The following RFC3 variants were observed in gnomAD, a reference collection of about 807,000 sequenced individuals.
RFC3 encodes replication factor C subunit 3.
In RFC3, 41 loss-of-function variants were observed where a neutral mutation model predicts 45.1. The observed-to-expected ratio is 0.91, with a 90% confidence interval of 0.71 to 1.18. The LOEUF is 1.18. RFC3 is among the 50% of genes most tolerant of loss of function. The pLI, the probability that RFC3 is intolerant of heterozygous loss-of-function variation, is 0.00. For synonymous variants in RFC3, 149 were observed against 144.0 expected (o/e 1.03, Z -0.25); for missense variants, 423 against 428.1 (o/e 0.99, Z 0.10).
At chr13:33,868,896 T>C (rs1336082180) in intron 8 of RFC3, among the ~76,000 whole-genome samples, 1 of 152,264 alleles carries the variant, frequency 6.6e-6, no homozygotes, top group Admixed American at 6.5e-5. Flanking sequence ...TCCCGTGGCC[T>C]CTGCTCCTGG....
chr13:33,960,557 C>T (rs988911574), intron 8 of RFC3, among the ~76,000 whole-genome samples: 1 of 152,362 alleles, frequency 6.6e-6, no homozygotes, highest in Non-Finnish European at 1.5e-5. Context: ...AAGGACTGGG[C>T]ATCCTTCATC....
chr13:33,919,797 T>C (rs1432891705), intron 8 of RFC3, among the ~76,000 whole-genome samples: 1 of 152,138 alleles, frequency 6.6e-6, no homozygotes, highest in Admixed American at 6.6e-5. Context: ...AAAAGAGATA[T>C]ACATGGAGGA....
downstream of RFC3, among the ~76,000 whole-genome samples, chr13:33,841,288 G>A (rs775658715): frequency 6.2e-4 from 95 of 152,188 alleles, 1 homozygote; most frequent in Admixed American, 3.3e-4. Context: ...GTTGGGGAGT[G>A]CAGTATTAAA....
chr13:33,888,157 T>A (rs565790394), intron 8 of RFC3, among the ~76,000 whole-genome samples: 8 of 152,220 alleles, frequency 5.3e-5, no homozygotes, highest in Non-Finnish European at 1.2e-4. Flanking sequence ...TTTTTCCAAT[T>A]CTGTGAAGAA....
chr13:33,926,221 G>T (rs1271052887), intron 8 of RFC3, among the ~76,000 whole-genome samples: 31 of 121,696 alleles, frequency 2.5e-4, no homozygotes, highest in African/African-American at 7.8e-4. Context: ...GGTGGGGGGA[G>T]GGGGGAGGGA....
At chr13:33,872,110 G>T (rs114139406) in intron 8 of RFC3, among the ~76,000 whole-genome samples, 2,865 of 152,082 alleles carry the variant, frequency 0.019, 93 homozygotes, top group African/African-American at 0.065. Context: ...ATATCTACTT[G>T]TTTGTTCGAC....
intron 4 of RFC3, among the ~76,000 whole-genome samples, chr13:33,826,848 C>G (rs1181579595): frequency 2.0e-5 from 3 of 151,940 alleles, no homozygotes; most frequent in African/African-American, 7.3e-5. Context: ...GTTGGCCAAC[C>G]CTCCAATAGT....
intron 8 of RFC3, among the ~76,000 whole-genome samples, chr13:33,919,296 T>A (rs1325459247): frequency 7.1e-6 from 1 of 140,244 alleles, no homozygotes; most frequent in Non-Finnish European, 1.5e-5. Flanking sequence ...AGCAAATCCA[T>A]TTTTTTTTTA....
intron 8 of RFC3, among the ~76,000 whole-genome samples, chr13:33,932,747 A>G (rs890021268): frequency 1.3e-5 from 2 of 152,178 alleles, no homozygotes; most frequent in Non-Finnish European, 2.9e-5. Flanking sequence ...ATCCAATGCT[A>G]GTCTATGTAT....
intron 8 of RFC3, among the ~76,000 whole-genome samples, chr13:33,885,777 A>C: frequency 6.6e-6 from 1 of 152,184 alleles, no homozygotes; most frequent in African/African-American, 2.4e-5. Flanking sequence ...TGGAGACCAA[A>C]AGTCATAATC....
chr13:33,955,180 A>G (rs2083014380), intron 8 of RFC3, among the ~76,000 whole-genome samples: 1 of 152,208 alleles, frequency 6.6e-6, no homozygotes, highest in African/African-American at 2.4e-5. Flanking sequence ...GTTAATGAAC[A>G]AGAGTGAAGA....
the RFC3 span, among the ~76,000 whole-genome samples, chr13:33,973,333 G>T: frequency 6.6e-6 from 1 of 152,180 alleles, no homozygotes; most frequent in African/African-American, 2.4e-5. Flanking sequence ...TCCTGGCAGA[G>T]GGAACAGTAC....
intron 8 of RFC3, among the ~76,000 whole-genome samples, chr13:33,900,619 C>G (rs886474803): frequency 2.0e-5 from 3 of 151,808 alleles, no homozygotes; most frequent in African/African-American, 7.3e-5. Context: ...AGACATTGAT[C>G]TGGGCAAAGA....
At chr13:33,888,513 T>C (rs1449020258) in intron 8 of RFC3, among the ~76,000 whole-genome samples, 4 of 152,228 alleles carry the variant, frequency 2.6e-5, no homozygotes, top group Non-Finnish European at 5.9e-5. Context: ...GCCACAATGC[T>C]GCGTTACTCT....
intron 8 of RFC3, among the ~76,000 whole-genome samples, chr13:33,963,941 G>A (rs866281852): frequency 1.8e-4 from 28 of 152,182 alleles, no homozygotes; most frequent in African/African-American, 6.0e-4. Context: ...GTTAAAGTGT[G>A]GGGTGATGAA....
the RFC3 span, among the ~76,000 whole-genome samples, chr13:33,973,903 C>G: frequency 6.6e-6 from 1 of 152,024 alleles, no homozygotes; most frequent in Non-Finnish European, 1.5e-5. Context: ...TGCAACCTCT[C>G]TTTTTGTTTC....
chr13:33,960,986 G>T (rs2137863452), intron 8 of RFC3, among the ~76,000 whole-genome samples: 1 of 152,302 alleles, frequency 6.6e-6, no homozygotes, highest in South Asian at 2.1e-4. Context: ...GGGTGGTCCA[G>T]TGAAATCCAG....
intron 8 of RFC3, among the ~76,000 whole-genome samples, chr13:33,856,841 G>A (rs2082311406): frequency 6.6e-6 from 1 of 152,172 alleles, no homozygotes; most frequent in Non-Finnish European, 1.5e-5. Flanking sequence ...AGGCCCCTGA[G>A]AGACTGGGCA....
intron 8 of RFC3, among the ~76,000 whole-genome samples, chr13:33,855,138 A>G (rs1283543818): frequency 3.3e-5 from 5 of 152,182 alleles, no homozygotes; most frequent in Non-Finnish European, 7.4e-5. Context: ...GTGCTTTATA[A>G]TCTGCGCTGT....
Sources: gnomAD v4.1 joint callset for allele counts (sites outside exome capture counted in the v4.1 genomes callset) on GRCh38, gnomAD v4.1.1 for gene constraint, MANE v1.5 for transcripts, NCBI Gene and HGNC (gene_info 2026-07-23, HGNC 2026-07-21) for gene names.